PTPRN2: variants seen among roughly 807,000 people sequenced by gnomAD.
The protein encoded by PTPRN2 is receptor-type tyrosine-protein phosphatase N2.
PTPRN2 carries 74 observed loss-of-function variants against 118.8 expected under a neutral mutation model. The observed-to-expected ratio is 0.62, with a 90% CI of 0.52 to 0.76. The LOEUF (loss-of-function observed/expected upper bound fraction) is 0.76, where lower values mean the gene tolerates loss of function less well. Ranked by LOEUF, PTPRN2 falls within the 30% of genes least tolerant of loss-of-function variation. PTPRN2 has a pLI of 0.00. For synonymous variants in PTPRN2, 641 were observed against 608.0 expected (o/e 1.05, Z -0.80); for missense variants, 1,481 against 1,394.4 (o/e 1.06, Z -0.99).
In PTPRN2 at chr7:158,167,186, G is replaced by A. The variant is rs199954744; in HGVS notation, c.655C>T (p.Arg219Trp). ...RTQLREDLLP[R>W]TLGQLQPDEL... ...TCTGGCTGGAGCTGGCCGAGGGTCC[G>A]CGGCAGGAGGTCCTCGCGGAGCTGG... Residue 219 changes from arginine (R) to tryptophan (W), a missense_variant, in exon 6 of 23, where the codon CGG becomes TGG. Around this residue, in one of 3 missense-constraint regions of PTPRN2, gnomAD observed 1,115 missense variants for 994.2 expected, o/e 1.12. Coordinates refer to ENST00000389418, the MANE Select transcript of PTPRN2 (RefSeq NM_002847.5). 8.6e-5 allele frequency: 138 copies of A among 1,613,730 alleles called. 1 individual carries two copies. Among genetic ancestry groups the A allele is most frequent in the Admixed American group, 4.2e-4 (25 of 59,996 alleles).
intron 11 of PTPRN2, among the ~76,000 whole-genome samples, chr7:157,917,447 T>C (rs1295624347): frequency 6.6e-6 from 1 of 152,198 alleles, no homozygotes; most frequent in Non-Finnish European, 1.5e-5. Context: ...GAGACTCTCA[T>C]CTGCGGGTCT....
At chr7:158,169,233 G>A (rs1823301747) in intron 5 of PTPRN2, among the ~76,000 whole-genome samples, 1 of 152,044 alleles carries the variant, frequency 6.6e-6, no homozygotes, top group South Asian at 2.1e-4. Context: ...ATAGAGGTTG[G>A]GGTTGTTTGG....
At chr7:157,841,474 C>A (rs541668537) in intron 12 of PTPRN2, among the ~76,000 whole-genome samples, 1 of 152,186 alleles carries the variant, frequency 6.6e-6, no homozygotes, top group Non-Finnish European at 1.5e-5. Context: ...CCACCCCACC[C>A]GCAGGTGATG....
At position 157,845,566 on chromosome 7, in the gene PTPRN2, C is replaced by T. The variant is rs1808745096; in HGVS notation, c.1788+53107G>A. On this transcript the variant is annotated intron_variant, in intron 12 of 22. Transcript: ENST00000389418. This position sits in a 1 kb window ranked among gnomAD's most constrained non-coding sequence, Gnocchi z 4.5. ...CCATGCAGCCTAACTCACCACGTTCCCGGCCACACAGGGCCAAGAACAGCC... is the reference window on the plus strand; with the variant it reads ...CCATGCAGCCTAACTCACCACGTTCTCGGCCACACAGGGCCAAGAACAGCC... Among the ~76,000 whole-genome samples, 1 of 152,230 alleles carries T rather than the reference C, an allele frequency of 6.6e-6. No individual in the cohort carries two copies. Among genetic ancestry groups the T allele is most frequent in the Admixed American group, 6.5e-5 (1 of 15,284 alleles).
intron 3 of PTPRN2, among the ~76,000 whole-genome samples, chr7:158,289,238 A>T (rs1380453027): frequency 6.6e-6 from 1 of 152,160 alleles, no homozygotes; most frequent in Non-Finnish European, 1.5e-5. Context: ...ATGTTTTCTC[A>T]TATTATTTAA....
chr7:158,045,858 C>T (rs957807232), intron 11 of PTPRN2, among the ~76,000 whole-genome samples: 13 of 145,984 alleles, frequency 8.9e-5, no homozygotes, highest in South Asian at 2.2e-4. Flanking sequence ...GCGATCCTGA[C>T]GTCCTGATAC....
intron 3 of PTPRN2, among the ~76,000 whole-genome samples, chr7:158,245,043 G>T (rs1796129209): frequency 6.6e-6 from 1 of 152,192 alleles, no homozygotes; most frequent in South Asian, 2.1e-4. Context: ...GCCTCGTGAG[G>T]CGGCGGTGGG....
At chr7:158,181,903 T>C (rs531296060) in intron 5 of PTPRN2, among the ~76,000 whole-genome samples, 56 of 150,446 alleles carry the variant, frequency 3.7e-4, no homozygotes, top group Admixed American at 6.7e-4. Flanking sequence ...GTTTCTTTCC[T>C]TCAAATTGAT....
intron 2 of PTPRN2, among the ~76,000 whole-genome samples, chr7:158,359,623 C>A (rs775891286): frequency 6.6e-6 from 1 of 152,170 alleles, no homozygotes; most frequent in Non-Finnish European, 1.5e-5. Context: ...GTAAAACCAA[C>A]ATGGGTCATC....
chr7:157,874,874 TAC>T lies in PTPRN2; in HGVS notation c.1788+23797_1788+23798del, dbSNP rs530331922. Among the ~76,000 whole-genome samples the T allele has an allele frequency of 1.3e-5, 2 of 148,396 alleles. No homozygotes were observed. The highest frequency in any genetic ancestry group is 6.7e-5 in the Admixed American group (1 of 14,964). On this transcript the variant is annotated intron_variant, in intron 12 of 22. Transcript: ENST00000389418. The surrounding 1 kb of genome is among the most constrained non-coding windows in gnomAD (Gnocchi z 5.8). Reference sequence around the variant, plus strand: ...ACACACGGAGACACACTCGTGCACATACACACACGGAGACACACTCGTGCACA... The same window carrying T: ...ACACACGGAGACACACTCGTGCACATACACACGGAGACACACTCGTGCACA...
At chr7:158,064,144 C>G (rs2128909333) in intron 11 of PTPRN2, among the ~76,000 whole-genome samples, 1 of 152,324 alleles carries the variant, frequency 6.6e-6, no homozygotes, top group East Asian at 1.9e-4. Context: ...TAAGTACAAA[C>G]CTTCCCACAT....
At chr7:158,314,465 A>T (rs1333399348) in intron 3 of PTPRN2, among the ~76,000 whole-genome samples, 2 of 152,266 alleles carry the variant, frequency 1.3e-5, no homozygotes, top group Non-Finnish European at 2.9e-5. Flanking sequence ...CGTCTGTGTC[A>T]TCTACATTGA....
At chr7:158,265,460 G>A (rs928571500) in intron 3 of PTPRN2, among the ~76,000 whole-genome samples, 4 of 152,202 alleles carry the variant, frequency 2.6e-5, no homozygotes, top group African/African-American at 4.8e-5. Context: ...ACACACCGAC[G>A]GGACACACCT....
At chr7:158,494,949 C>G (rs932174454) in intron 1 of PTPRN2, among the ~76,000 whole-genome samples, 4 of 152,182 alleles carry the variant, frequency 2.6e-5, no homozygotes, top group East Asian at 1.9e-4. Context: ...CAGCCTCCCC[C>G]GCTCTTCAGA....
chr7:158,071,864 GTCATA>G (rs1811883313), intron 11 of PTPRN2, among the ~76,000 whole-genome samples: 4 of 7,100 alleles, frequency 5.6e-4, no homozygotes, highest in African/African-American at 1.8e-3. Flanking sequence ...GGAGGTGCTC[GTCATA>G]TGGAGGTGCT....
intron 2 of PTPRN2, among the ~76,000 whole-genome samples, chr7:158,429,445 C>T (rs1259371474): frequency 6.6e-6 from 1 of 152,254 alleles, no homozygotes; most frequent in African/African-American, 2.4e-5. Context: ...CACCCAGCTC[C>T]ACCACCATCT....
chr7:157,724,238 C>G (rs1170186782), intron 12 of PTPRN2, among the ~76,000 whole-genome samples: 1 of 152,208 alleles, frequency 6.6e-6, no homozygotes, highest in Non-Finnish European at 1.5e-5. Context: ...TAGGCTACCC[C>G]CACCTGAAAC....
chr7:157,699,302 G>A (rs1043026840), intron 12 of PTPRN2, among the ~76,000 whole-genome samples: 1 of 152,172 alleles, frequency 6.6e-6, no homozygotes. Context: ...TTTGTACCTG[G>A]ATTCTACTGA....
intron 12 of PTPRN2, 134 bp from the exon 13 acceptor site, chr7:157,683,071 G>C (rs148287822): frequency 2.7e-5 from 20 of 749,272 alleles, no homozygotes; most frequent in Non-Finnish European, 4.2e-5. Context: ...GAGCCACAAC[G>C]GGAGGGCCCT....
Sources: gnomAD v4.1 joint callset for allele counts (sites outside exome capture counted in the v4.1 genomes callset) on GRCh38, gnomAD v4.1.1 for gene constraint, gnomAD v4.1.1 regional missense constraint, Gnocchi (gnomAD v3.1) non-coding constraint, MANE v1.5 for transcripts, NCBI Gene and HGNC (gene_info 2026-07-23, HGNC 2026-07-21) for gene names.